The following GSTCD variants were observed in gnomAD, a reference collection of about 807,000 sequenced individuals.
GSTCD encodes glutathione S-transferase C-terminal domain-containing protein.
In GSTCD, 44 loss-of-function variants were observed where a neutral mutation model predicts 68.3. That is an observed-to-expected ratio of 0.64 (90% CI 0.51 to 0.83). The LOEUF is 0.83. Ranked by LOEUF, GSTCD falls within the 40% of genes least tolerant of loss-of-function variation. GSTCD has a pLI of 0.00. For synonymous variants in GSTCD, 273 were observed against 255.2 expected, an observed-to-expected ratio of 1.07 and a Z score of -0.67; for missense variants, 739 against 735.9, an observed-to-expected ratio of 1.00 and a Z score of -0.05.
rs916566349 is a variant in GSTCD at position 105,787,768 on chromosome 4, CT to C, written c.1241-35180del. 6.4e-4 allele frequency among the ~76,000 whole-genome samples: 97 copies of C among 152,032 alleles called. 1 individual carries two copies. The highest frequency in any genetic ancestry group is 2.3e-3 in the African/African-American group (96 of 41,390). The stretch of plus-strand genomic sequence containing the variant: ...TCAATAAAATAGAAATGTTTGAAAG[CT>C]TTTTTCCCCCCTTGGGAGCTAGATT... On this transcript the variant is annotated intron_variant, in intron 5 of 11. Transcript: ENST00000515279.
intron 5 of GSTCD, among the ~76,000 whole-genome samples, chr4:105,745,640 A>G (rs954392043): frequency 6.6e-6 from 1 of 152,222 alleles, no homozygotes; most frequent in African/African-American, 2.4e-5. Flanking sequence ...GACCTAGAAC[A>G]AAGCTGGCCT....
chr4:105,746,954 C>G (rs1192028400), intron 5 of GSTCD, among the ~76,000 whole-genome samples: 3 of 152,200 alleles, frequency 2.0e-5, no homozygotes. Context: ...AGCACCCCTT[C>G]TTTCTTCTCC....
chr4:105,760,329 G>A (rs1273179903), intron 5 of GSTCD, among the ~76,000 whole-genome samples: 1 of 152,032 alleles, frequency 6.6e-6, no homozygotes, highest in Non-Finnish European at 1.5e-5. Flanking sequence ...TGTGGGAGCA[G>A]GTAACTTCAA....
intron 5 of GSTCD, among the ~76,000 whole-genome samples, chr4:105,813,932 A>T (rs1722859511): frequency 6.6e-6 from 1 of 152,180 alleles, no homozygotes; most frequent in African/African-American, 2.4e-5. Context: ...TGGAATGTAA[A>T]CATCACTCTT....
At chr4:105,813,520 C>A (rs1219469341) in intron 5 of GSTCD, among the ~76,000 whole-genome samples, 1 of 152,176 alleles carries the variant, frequency 6.6e-6, no homozygotes, top group Non-Finnish European at 1.5e-5. Flanking sequence ...ACACTTGAGA[C>A]CCATCCCCAA....
chr4:105,814,503 C>T (rs1560842377), intron 5 of GSTCD, among the ~76,000 whole-genome samples: 2 of 152,026 alleles, frequency 1.3e-5, no homozygotes, highest in East Asian at 3.9e-4. Flanking sequence ...ATCCCAGCTA[C>T]TCGGAGGCTG....
chr4:105,826,852 T>A (rs1049936848), intron 8 of GSTCD, among the ~76,000 whole-genome samples: 17 of 152,192 alleles, frequency 1.1e-4, no homozygotes, highest in Admixed American at 1.1e-3. Context: ...TGTGGTTGTC[T>A]AGGTAGAACT....
intron 5 of GSTCD, among the ~76,000 whole-genome samples, chr4:105,794,429 G>T (rs1735792425): frequency 6.6e-6 from 1 of 152,018 alleles, no homozygotes; most frequent in Admixed American, 6.6e-5. Context: ...ATGTGTCAAT[G>T]TAGGTTCATC....
At chr4:105,736,015 A>G (rs571494064) in intron 5 of GSTCD, among the ~76,000 whole-genome samples, 4 of 152,186 alleles carry the variant, frequency 2.6e-5, no homozygotes, top group Non-Finnish European at 5.9e-5. Flanking sequence ...ATGTTGTTTG[A>G]GAAATATTGT....
At chr4:105,735,573 C>A (rs759697794) in intron 5 of GSTCD, among the ~76,000 whole-genome samples, 15 of 152,158 alleles carry the variant, frequency 9.9e-5, no homozygotes, top group Non-Finnish European at 1.9e-4. Flanking sequence ...TGCTGTGTGT[C>A]ACCGCTTCCC....
At chr4:105,713,284 C>A (rs1397361593) in intron 1 of GSTCD, among the ~76,000 whole-genome samples, 1 of 152,256 alleles carries the variant, frequency 6.6e-6, no homozygotes, top group Non-Finnish European at 1.5e-5. Context: ...ACTGAGACAT[C>A]TGCAGAGTAG....
chr4:105,846,057 G>C lies in GSTCD; in HGVS notation c.*480G>C, dbSNP rs138715240. The C allele has an allele frequency of 6.4e-6, 1 of 157,336 alleles. No homozygotes were observed. The highest frequency in any genetic ancestry group is 2.4e-5 in the African/African-American group (1 of 41,568). 9.7% of individuals were successfully genotyped at this position (157,336 alleles called of 1,614,324 possible). A position where few individuals can be genotyped will look rare whatever the true frequency, so the allele number is the denominator to read the frequency against. On this transcript the variant is annotated 3_prime_UTR_variant, in exon 12 of 12. Transcript: ENST00000515279. ...TATCACTTTAAAAAAATCTAGTCAGGTAATTATAGTACAGTTATTTTTAAG... is the reference window on the plus strand; with the variant it reads ...TATCACTTTAAAAAAATCTAGTCAGCTAATTATAGTACAGTTATTTTTAAG...
chr4:105,748,585 A>G (rs939397336), intron 5 of GSTCD, among the ~76,000 whole-genome samples: 3 of 152,140 alleles, frequency 2.0e-5, no homozygotes, highest in African/African-American at 2.4e-5. Context: ...ATATATAAAT[A>G]TGGGCACAAT....
At chr4:105,769,616 A>G (rs1734763123) in intron 5 of GSTCD, among the ~76,000 whole-genome samples, 1 of 152,174 alleles carries the variant, frequency 6.6e-6, no homozygotes, top group South Asian at 2.1e-4. Context: ...CAATTTTGCA[A>G]GCAAAATTTG....
At chr4:105,839,015 T>G (rs1724229664) in intron 10 of GSTCD, among the ~76,000 whole-genome samples, 1 of 152,158 alleles carries the variant, frequency 6.6e-6, no homozygotes, top group African/African-American at 2.4e-5. Flanking sequence ...CAGCTGTATC[T>G]CCTTCATTCC....
At chr4:105,811,195 G>T (rs559088051) in intron 5 of GSTCD, among the ~76,000 whole-genome samples, 1 of 152,012 alleles carries the variant, frequency 6.6e-6, no homozygotes, top group South Asian at 2.1e-4. Flanking sequence ...AAATAGAAAA[G>T]GTATTAATTT....
At chr4:105,738,824 T>A (rs1289532939) in intron 5 of GSTCD, among the ~76,000 whole-genome samples, 1 of 152,198 alleles carries the variant, frequency 6.6e-6, no homozygotes, top group Non-Finnish European at 1.5e-5. Flanking sequence ...TTGGATGCCC[T>A]TTATTTCTCT....
At chr4:105,792,307 A>G (rs1017032459) in intron 5 of GSTCD, among the ~76,000 whole-genome samples, 1 of 152,074 alleles carries the variant, frequency 6.6e-6, no homozygotes, top group Non-Finnish European at 1.5e-5. Flanking sequence ...ACTATCCCAC[A>G]GTACCCTGAG....
At chr4:105,770,833 T>C (rs1734816368) in intron 5 of GSTCD, among the ~76,000 whole-genome samples, 2 of 152,090 alleles carry the variant, frequency 1.3e-5, no homozygotes, top group Admixed American at 1.3e-4. Context: ...CAATAAACTA[T>C]GTGTGTATGT....
Sources: gnomAD v4.1 joint callset for allele counts (sites outside exome capture counted in the v4.1 genomes callset) on GRCh38, gnomAD v4.1.1 for gene constraint, MANE v1.5 for transcripts, NCBI Gene and HGNC (gene_info 2026-07-23, HGNC 2026-07-21) for gene names.